SYNE2: variants seen among roughly 807,000 people sequenced by gnomAD.
The protein encoded by SYNE2 is nesprin-2.
Under a neutral mutation model 856.3 loss-of-function variants are expected in SYNE2, and 431 were observed. The ratio of observed to expected loss-of-function variants is 0.50; its 90% CI spans 0.47 to 0.55. The LOEUF (loss-of-function observed/expected upper bound fraction) is 0.55. Among genes scored for constraint, SYNE2 ranks in the 20% least tolerant of loss-of-function variants. The pLI, the probability that SYNE2 is intolerant of heterozygous loss-of-function variation, is 0.00. For missense variants in SYNE2, 8,129 were observed against 8,023.2 expected (o/e 1.01, Z -0.50); for synonymous variants, 2,923 against 2,872.3 (o/e 1.02, Z -0.56).
intron 1 of SYNE2, among the ~76,000 whole-genome samples, chr14:63,800,524 A>T (rs1888090452): frequency 6.6e-6 from 1 of 152,188 alleles, no homozygotes; most frequent in Non-Finnish European, 1.5e-5. Context: ...TCCTGACCTC[A>T]ACTGATCCGC....
intron 61 of SYNE2, among the ~76,000 whole-genome samples, chr14:64,094,764 T>G (rs963993205): frequency 5.3e-5 from 8 of 152,234 alleles, no homozygotes; most frequent in African/African-American, 7.2e-5. Flanking sequence ...AGAGAGCTTT[T>G]GTTTATATGA....
chr14:63,995,473 G>A (rs1289505076), intron 23 of SYNE2, among the ~76,000 whole-genome samples: 7 of 152,118 alleles, frequency 4.6e-5, no homozygotes, highest in Non-Finnish European at 1.5e-5. Context: ...TCACAAATGT[G>A]TCAACTGTTA....
intron 95 of SYNE2, among the ~76,000 whole-genome samples, chr14:64,177,033 G>C (rs966988032): frequency 2.6e-5 from 4 of 151,992 alleles, no homozygotes; most frequent in Non-Finnish European, 5.9e-5. Flanking sequence ...CCTGACCTCA[G>C]GTGATCCACC....
At chr14:64,121,138 C>A (rs926511192) in intron 68 of SYNE2, 77 bp downstream of exon 68, 31 of 1,594,336 alleles carry the variant, frequency 1.9e-5, no homozygotes, top group Non-Finnish European at 2.5e-5. Context: ...ACCTACAGTC[C>A]TAGCTACTTG....
chr14:64,065,690 A>G (rs1370605492), intron 51 of SYNE2, 40 bp downstream of exon 51: 1 of 1,604,216 alleles, frequency 6.2e-7, no homozygotes. Flanking sequence ...AGTTTCTAAC[A>G]TGTTATTTAA....
intron 1 of SYNE2, among the ~76,000 whole-genome samples, chr14:63,845,274 G>A (rs1225482633): frequency 6.6e-6 from 1 of 152,046 alleles, no homozygotes; most frequent in Non-Finnish European, 1.5e-5. Context: ...AAATTAGCCA[G>A]GCATGGTGGT....
chr14:63,782,054 G>A (rs1887334947), intron 1 of SYNE2, among the ~76,000 whole-genome samples: 1 of 151,710 alleles, frequency 6.6e-6, no homozygotes, highest in Non-Finnish European at 1.5e-5. Context: ...AGAATGGCTT[G>A]AGGCCAGGAG....
chr14:64,020,049 A>G lies in SYNE2; in HGVS notation c.5107A>G (p.Ile1703Val), dbSNP rs775006855. 8 of 1,614,118 alleles carry G rather than the reference A, an allele frequency of 5.0e-6. No homozygotes were observed. The highest frequency in any genetic ancestry group is 6.8e-6 in the Non-Finnish European group (8 of 1,179,962). Reference protein sequence around the residue: ...TSEFSRRVAEIQFLLQSSEIP... With the variant: ...TSEFSRRVAEVQFLLQSSEIP... ...AGAATTTTCTAGAAGAGTGGCTGAA[A>G]TACAGTTTTTGCTCCAAAGCAGTGA... The change falls in exon 35 of 116, where the codon ATA becomes GTA. Residue 1703 changes from isoleucine to valine, a missense_variant. Physicochemically the swap from Ile to Val is conservative, Grantham distance 29 (BLOSUM62 3). Around this residue, in one of 3 missense-constraint regions of SYNE2, gnomAD observed 2,422 missense variants for 2,357.4 expected, o/e 1.03. Coordinates refer to ENST00000555002, the MANE Select transcript of SYNE2 (RefSeq NM_182914.3).
chr14:63,909,292 C>A, intron 2 of SYNE2, 65 bp downstream of exon 2: 1 of 1,074,510 alleles, frequency 9.3e-7, no homozygotes, highest in African/African-American at 1.6e-5. Flanking sequence ...TATCTAGTTG[C>A]AAGTCACACT....
intron 67 of SYNE2, among the ~76,000 whole-genome samples, 193 bp downstream of exon 67, chr14:64,119,802 TG>T (rs1178188465): frequency 6.6e-6 from 1 of 152,202 alleles, no homozygotes; most frequent in Non-Finnish European, 1.5e-5. Flanking sequence ...GCAGTTTTCC[TG>T]TCTAGGTTGT....
intron 9 of SYNE2, among the ~76,000 whole-genome samples, chr14:63,963,042 T>C (rs530250221): frequency 2.0e-5 from 3 of 152,214 alleles, no homozygotes; most frequent in Non-Finnish European, 4.4e-5. Context: ...AACCACATGT[T>C]TGCATGCATT....
At chr14:64,050,684 A>G (rs2097218923) in intron 47 of SYNE2, among the ~76,000 whole-genome samples, 1 of 152,174 alleles carries the variant, frequency 6.6e-6, no homozygotes, top group African/African-American at 2.4e-5. Flanking sequence ...AAATGGTATT[A>G]AATTTAGTCT....
chr14:64,139,853 A>G (rs2098126196), intron 79 of SYNE2, 88 bp from the exon 80 acceptor site: 1 of 1,326,144 alleles, frequency 7.5e-7, no homozygotes, highest in African/African-American at 1.4e-5. Context: ...AGGAGGACAT[A>G]CAATAAAATA....
At chr14:64,213,582 G>A (rs910961256) in intron 105 of SYNE2, among the ~76,000 whole-genome samples, 5 of 152,072 alleles carry the variant, frequency 3.3e-5, no homozygotes, top group Non-Finnish European at 7.4e-5. Flanking sequence ...GATACGACTG[G>A]CCACTCTTTC....
In SYNE2 at chr14:64,051,968, A is replaced by G. The variant is rs1027746985; in HGVS notation, c.8055A>G (p.Gln2685=). The change falls in exon 48 of 116, where the codon CAA becomes CAG. Residue 2685 remains glutamine (Q), a synonymous_variant. Transcript: ENST00000555002. Reference sequence around the variant, plus strand: ...ATGGATTTTCTGTTTTAAAGGGGCAAGCTGAACTTCAGATGAAGAGGATTT... The same window carrying G: ...ATGGATTTTCTGTTTTAAAGGGGCAGGCTGAACTTCAGATGAAGAGGATTT... The part of the protein sequence containing the change: ...TKHGFSVLKG[Q]AELQMKRIWG... The G allele has an allele frequency of 3.1e-6, 5 of 1,613,982 alleles. No homozygotes were observed. Among genetic ancestry groups the G allele is most frequent in the African/African-American group, 2.7e-5 (2 of 75,054 alleles).
At chr14:64,097,102 T>C (rs138826916) in intron 61 of SYNE2, among the ~76,000 whole-genome samples, 1 of 152,326 alleles carries the variant, frequency 6.6e-6, no homozygotes, top group East Asian at 1.9e-4. Flanking sequence ...TATAATCCTA[T>C]AGTCATCTCA....
At chr14:63,831,177 C>T (rs919563326) in intron 1 of SYNE2, among the ~76,000 whole-genome samples, 2 of 151,954 alleles carry the variant, frequency 1.3e-5, no homozygotes, top group Middle Eastern at 3.2e-3. Flanking sequence ...TTTGGCGATG[C>T]TCTTGATTAG....
intron 1 of SYNE2, among the ~76,000 whole-genome samples, chr14:63,900,840 T>C (rs2095327508): frequency 1.3e-5 from 2 of 152,244 alleles, no homozygotes; most frequent in East Asian, 3.8e-4. Context: ...ACCAACTTTC[T>C]GCTGTGAGCT....
At chr14:63,915,352 T>C (rs1304217208) in intron 2 of SYNE2, among the ~76,000 whole-genome samples, 1 of 152,186 alleles carries the variant, frequency 6.6e-6, no homozygotes, top group African/African-American at 2.4e-5. Flanking sequence ...TTTTGGATAC[T>C]TTATTTTAGA....
Sources: gnomAD v4.1 joint callset for allele counts (sites outside exome capture counted in the v4.1 genomes callset) on GRCh38, gnomAD v4.1.1 for gene constraint, gnomAD v4.1.1 regional missense constraint, MANE v1.5 for transcripts, NCBI Gene and HGNC (gene_info 2026-07-23, HGNC 2026-07-21) for gene names.